ZNF140: variants seen among roughly 807,000 people sequenced by gnomAD.
ZNF140 encodes zinc finger protein 140 (clone pHZ-39).
Under a neutral mutation model 12.9 loss-of-function variants are expected in ZNF140, and 13 were observed. The ratio of observed to expected loss-of-function variants is 1.01; its 90% CI spans 0.66 to 1.60. ZNF140 has a LOEUF of 1.60. Ranked by LOEUF, ZNF140 falls within the 40% of genes most tolerant of loss-of-function variation. ZNF140 has a pLI of 0.00. For missense variants in ZNF140, 531 were observed against 548.8 expected, an observed-to-expected ratio of 0.97 and a Z score of 0.32; for synonymous variants, 214 against 186.7, an observed-to-expected ratio of 1.15 and a Z score of -1.19.
chr12:133,095,419 A>G (rs1566312435), intron 4 of ZNF140, among the ~76,000 whole-genome samples: 1 of 150,842 alleles, frequency 6.6e-6, no homozygotes, highest in Non-Finnish European at 1.5e-5. Flanking sequence ...CTCAATGCTC[A>G]CGTTCTTAGC....
At chr12:133,093,063 A>T (rs1954947385) in intron 4 of ZNF140, among the ~76,000 whole-genome samples, 1 of 151,288 alleles carries the variant, frequency 6.6e-6, no homozygotes, top group South Asian at 2.1e-4. Context: ...GTAGGTACTT[A>T]TACCAACCAA....
In ZNF140 at chr12:133,106,320, A is replaced by G. The variant is rs372658988; in HGVS notation, c.1043A>G (p.Gln348Arg). The G allele has an allele frequency of 3.7e-6, 6 of 1,614,112 alleles. No homozygotes were observed. The African/African-American group carries it at 6.7e-5, about 18-fold the overall frequency. ...TGTCACTCATTCCTTATTAAACATCAGAGAATTCATGCTGGAGAAAAGCTC... is the reference window on the plus strand; with the variant it reads ...TGTCACTCATTCCTTATTAAACATCGGAGAATTCATGCTGGAGAAAAGCTC... Reference protein sequence around the residue: ...FRCHSFLIKHQRIHAGEKLYE... With the variant: ...FRCHSFLIKHRRIHAGEKLYE... The change falls in exon 5 of 5, where the codon CAG (glutamine) becomes CGG (arginine). Residue 348 changes from glutamine (Q) to arginine (R), a missense_variant. Transcript: ENST00000355557.
rs746935773 is a variant in ZNF140 at position 133,094,697 on chromosome 12, C to T, written c.233-10813C>T. On this transcript the variant is annotated intron_variant, in intron 4 of 4. Coordinates refer to ENST00000355557, the MANE Select transcript of ZNF140 (RefSeq NM_003440.4). ...GGGCAAGTCTGAATTGCTCCTTCAC[C>T]GTAGTGAACTGCAGGTTGGGCAATA... 3.1e-3 allele frequency among the ~76,000 whole-genome samples: 465 copies of T among 151,214 alleles called. 11 individuals carry two copies. The highest frequency in any genetic ancestry group is 5.1e-3 in the Non-Finnish European group (345 of 67,820).
rs1329125463 is a variant in ZNF140, at chr12:133,106,066, T to C, written c.789T>C (p.His263=). ...GCCGTGCCTCCAACCTCACTCGACA[T>C]CAAAGAATTCACATAGGAAAGAAAC... ...AFSRASNLTR[H]QRIHIGKKQY... The change falls in exon 5 of 5, where the codon CAT becomes CAC. Residue 263 remains histidine (H), a synonymous_variant. Coordinates refer to ENST00000355557, the MANE Select transcript of ZNF140 (RefSeq NM_003440.4). The C allele has an allele frequency of 1.9e-6, 3 of 1,613,976 alleles. No individual in the cohort carries two copies. Among genetic ancestry groups the C allele is most frequent in the Admixed American group, 3.3e-5 (2 of 59,994 alleles).
At position 133,081,118 on chromosome 12, in the gene ZNF140, G is replaced by A. The variant is rs1954459544; in HGVS notation, c.-49+46G>A. The A allele has an allele frequency of 1.5e-5, 4 of 269,200 alleles. No homozygotes were observed. The South Asian group carries it at 1.7e-4, about 12-fold the overall frequency. The allele number at this position is 269,200 out of a possible 1,614,324, so 16.7% of individuals were successfully genotyped here. ...CGCGCCGTGGCAGGAAGAGAAAGCCGGCGCCAGTGGTCCAAGCGCGATCTC... is the reference window on the plus strand; with the variant it reads ...CGCGCCGTGGCAGGAAGAGAAAGCCAGCGCCAGTGGTCCAAGCGCGATCTC... On this transcript the variant is annotated intron_variant, in intron 1 of 4. Coordinates refer to ENST00000355557, the MANE Select transcript of ZNF140 (RefSeq NM_003440.4).
intron 4 of ZNF140, among the ~76,000 whole-genome samples, chr12:133,086,605 C>T (rs1171718148): frequency 7.9e-5 from 12 of 151,992 alleles, no homozygotes; most frequent in African/African-American, 2.9e-4. Context: ...TTTTTTTAAC[C>T]TTCATAGCTT....
chr12:133,093,104 G>T (rs1261814155), intron 4 of ZNF140, among the ~76,000 whole-genome samples: 1 of 151,138 alleles, frequency 6.6e-6, no homozygotes, highest in African/African-American at 2.5e-5. Flanking sequence ...GCATCCTGGT[G>T]CTTTTTCCAG....
chr12:133,092,075 G>C (rs1353163397), intron 4 of ZNF140, among the ~76,000 whole-genome samples: 3 of 151,112 alleles, frequency 2.0e-5, no homozygotes, highest in Non-Finnish European at 4.4e-5. Flanking sequence ...CAGTCTTGAG[G>C]AATTCTTTTG....
Position 133,083,525 on chromosome 12 carries a change from C to T in ZNF140, c.196C>T (p.Leu66=), listed in dbSNP as rs1954570788. The T allele has an allele frequency of 1.9e-6, 3 of 1,613,858 alleles. No individual in the cohort carries two copies. The highest frequency in any genetic ancestry group is 2.5e-6 in the Non-Finnish European group (3 of 1,179,928). The change falls in exon 4 of 5, where the codon CTG becomes TTG. Residue 66 remains leucine, a synonymous_variant. Coordinates refer to ENST00000355557, the MANE Select transcript of ZNF140 (RefSeq NM_003440.4). ...SLLEQGKEPW[L]GKREVKRDLF... ...ATTGGAGCAAGGGAAAGAACCCTGG[C>T]TGGGGAAAAGGGAAGTGAAAAGAGA...
Position 133,107,152 on chromosome 12 carries a change from A to G in ZNF140, c.*501A>G, listed in dbSNP as rs891309688. The G allele has an allele frequency of 6.5e-6, 1 of 152,796 alleles. No individual in the cohort carries two copies. The highest frequency in any genetic ancestry group is 2.4e-5 in the African/African-American group (1 of 41,474). The allele number at this position is 152,796 out of a possible 1,614,324, so 9.5% of individuals were successfully genotyped here. A position where few individuals can be genotyped will look rare whatever the true frequency, so the allele number is the denominator to read the frequency against. On this transcript the variant is annotated 3_prime_UTR_variant, in exon 5 of 5. Transcript: ENST00000355557. ...TGATTTGGGAATGCCTTCATTTACA[A>G]TGCAATACTTACATTTTAATACTCT...
At chr12:133,090,619 G>A (rs1256334839) in intron 4 of ZNF140, among the ~76,000 whole-genome samples, 1 of 148,990 alleles carries the variant, frequency 6.7e-6, no homozygotes, top group East Asian at 2.0e-4. Flanking sequence ...AAGACACAGA[G>A]ACAAAGTATA....
rs1286587187 is a variant in ZNF140 at position 133,099,903 on chromosome 12, C to T, written c.233-5607C>T. On this transcript the variant is annotated intron_variant, in intron 4 of 4. Transcript: ENST00000355557. The stretch of plus-strand genomic sequence containing the variant: ...TTCTCCTTCACTTTTGAAGGATAAT[C>T]TCACAGGCTACAGAATTGTGGGCTT... 4.0e-5 allele frequency among the ~76,000 whole-genome samples: 6 copies of T among 151,616 alleles called. No homozygotes were observed. In the South Asian group the frequency reaches 1.0e-3, roughly 26 times the overall value.
intron 4 of ZNF140, among the ~76,000 whole-genome samples, chr12:133,099,741 C>T (rs887344474): frequency 6.6e-6 from 1 of 152,032 alleles, no homozygotes; most frequent in Non-Finnish European, 1.5e-5. Context: ...AATGCTATTC[C>T]TTTCTTCATG....
rs986696859 is a variant in ZNF140 at position 133,095,926 on chromosome 12, A to G, written c.233-9584A>G. Among the ~76,000 whole-genome samples, 18 of 151,946 alleles carry G rather than the reference A, an allele frequency of 1.2e-4. No homozygotes were observed. The East Asian group carries it at 3.3e-3, about 28-fold the overall frequency. On this transcript the variant is annotated intron_variant, in intron 4 of 4. Coordinates refer to ENST00000355557, the MANE Select transcript of ZNF140 (RefSeq NM_003440.4). ...TACTATCTCAGAATTGAACAAATGT[A>G]CAATCGGGTTTTATACCGAGACATT...
chr12:133,102,099 T>C (rs1955370049), intron 4 of ZNF140, among the ~76,000 whole-genome samples: 1 of 152,210 alleles, frequency 6.6e-6, no homozygotes, highest in Non-Finnish European at 1.5e-5. Context: ...CTTAAAATCA[T>C]GGTAAGCCTG....
Position 133,083,578 on chromosome 12 carries a change from C to G in ZNF140, c.232+17C>G, listed in dbSNP as rs1477481668. On this transcript the variant is annotated intron_variant, in intron 4 of 4. Transcript: ENST00000355557. ...TGTTTTCAGGTGAGTGAGTTGGAAG[C>G]TGATGGGGAAATTTTTTAAAACCAC... 2 of 1,598,922 alleles carry G rather than the reference C, an allele frequency of 1.3e-6. No individual in the cohort carries two copies. Among genetic ancestry groups the G allele is most frequent in the African/African-American group, 1.4e-5 (1 of 73,990 alleles).
In ZNF140 at chr12:133,105,845, G is replaced by T. The variant is rs1031667691; in HGVS notation, c.568G>T (p.Ala190Ser). 2 of 1,614,182 alleles carry T rather than the reference G, an allele frequency of 1.2e-6. No homozygotes were observed. The highest frequency in any genetic ancestry group is 8.5e-7 in the Non-Finnish European group (1 of 1,180,036). Residue 190 changes from alanine (A) to serine (S), a missense_variant, in exon 5 of 5, where the codon GCA becomes TCA. Coordinates refer to ENST00000355557, the MANE Select transcript of ZNF140 (RefSeq NM_003440.4). The part of the protein sequence containing the change: ...QRTHTGEKPY[A>S]CKECGKTFSQ... ...GACTCATACTGGAGAGAAACCATAT[G>T]CATGTAAGGAATGTGGCAAAACCTT...
chr12:133,083,590 T>A (rs1954573195), intron 4 of ZNF140, 29 bp downstream of exon 4: 1 of 1,589,672 alleles, frequency 6.3e-7, no homozygotes, highest in South Asian at 1.1e-5. Context: ...GATGGGGAAA[T>A]TTTTTAAAAC....
intron 4 of ZNF140, among the ~76,000 whole-genome samples, chr12:133,086,342 A>G (rs1006766162): frequency 6.6e-6 from 1 of 152,204 alleles, no homozygotes; most frequent in Admixed American, 6.5e-5. Context: ...CCTGTTGGGC[A>G]TCGTAATTTT....
Sources: gnomAD v4.1 joint callset for allele counts (sites outside exome capture counted in the v4.1 genomes callset) on GRCh38, gnomAD v4.1.1 for gene constraint, MANE v1.5 for transcripts, NCBI Gene and HGNC (gene_info 2026-07-23, HGNC 2026-07-21) for gene names.